The following BCL2L1 variants were observed in gnomAD, a reference collection of about 807,000 sequenced individuals.
BCL2L1 encodes bcl-2-like protein 1.
In BCL2L1, 1 loss-of-function variant was observed where a neutral mutation model predicts 18.7. The observed-to-expected ratio is 0.05, with a 90% CI of 0.02 to 0.25. BCL2L1 has a LOEUF of 0.25. Ranked by LOEUF, BCL2L1 falls within the 10% of genes least tolerant of loss-of-function variation. The pLI is 1.00. For synonymous variants in BCL2L1, 103 were observed against 122.7 expected (o/e 0.84, Z 1.06); for missense variants, 207 against 304.9 (o/e 0.68, Z 2.39).
intron 2 of BCL2L1, among the ~76,000 whole-genome samples, chr20:31,692,463 A>C (rs2061089907): frequency 6.6e-6 from 1 of 152,272 alleles, no homozygotes; most frequent in Non-Finnish European, 1.5e-5. Context: ...AACACAGCAT[A>C]ATACCTAAAT....
intron 2 of BCL2L1, among the ~76,000 whole-genome samples, chr20:31,695,897 A>G (rs1181352762): frequency 6.6e-6 from 1 of 151,824 alleles, no homozygotes; most frequent in Non-Finnish European, 1.5e-5. Flanking sequence ...CCCATCCCTA[A>G]TCCCTTTTCT....
intron 2 of BCL2L1, among the ~76,000 whole-genome samples, chr20:31,701,902 C>T (rs2061283464): frequency 1.3e-5 from 2 of 152,200 alleles, no homozygotes; most frequent in Non-Finnish European, 2.9e-5. Context: ...AGAACAGCTG[C>T]AGACACTGGA....
At chr20:31,699,509 A>G (rs986880741) in intron 2 of BCL2L1, among the ~76,000 whole-genome samples, 1 of 152,232 alleles carries the variant, frequency 6.6e-6, no homozygotes, top group Non-Finnish European at 1.5e-5. Context: ...AGATGAGGAG[A>G]AAGAGTCCTC....
upstream of BCL2L1, chr20:31,723,424 G>A (rs976932973): frequency 6.1e-6 from 6 of 985,390 alleles, no homozygotes; most frequent in African/African-American, 5.2e-5. Flanking sequence ...CAGGCCCAAA[G>A]TGGCTTTCTG....
At chr20:31,710,719 G>A (rs1283229824) in intron 2 of BCL2L1, among the ~76,000 whole-genome samples, 1 of 152,176 alleles carries the variant, frequency 6.6e-6, no homozygotes, top group Non-Finnish European at 1.5e-5. Context: ...TTCCACTTTT[G>A]GTGTTTACTC....
In BCL2L1 at chr20:31,706,799, T is replaced by G. The variant is rs1217444703; in HGVS notation, c.564+14856A>C. Among the ~76,000 whole-genome samples, 4 of 152,350 alleles carry G rather than the reference T, an allele frequency of 2.6e-5. No homozygotes were observed. In the South Asian group the frequency reaches 8.3e-4, roughly 32 times the overall value. The stretch of plus-strand genomic sequence containing the variant: ...AGCAACAAGACCAAATATTTATAGT[T>G]CTCAAAGTGCTTTTTCATCTATCAT... On this transcript the variant is annotated intron_variant, in intron 2 of 2. Transcript: ENST00000307677.
rs1555871509 is a variant in BCL2L1, at chr20:31,697,892, G to GTTTTTTTTTTGTTTGTTTGTTTGTT, written c.564+23762_564+23763insAACAAACAAACAAACAAAAAAAAAA. 1.4e-3 allele frequency among the ~76,000 whole-genome samples: 184 copies of GTTTTTTTTTTGTTTGTTTGTTTGTT among 129,640 alleles called. 2 individuals carry two copies. The highest frequency in any genetic ancestry group is 5.1e-3 in the African/African-American group (157 of 30,504). 85.0% of individuals were successfully genotyped at this position (129,640 alleles called of 152,430 possible). On this transcript the variant is annotated intron_variant, in intron 2 of 2. Coordinates refer to ENST00000307677, the MANE Select transcript of BCL2L1 (RefSeq NM_138578.3). The stretch of plus-strand genomic sequence containing the variant: ...AGAATCCTCAGCATGTGCTGTTGCT[G>GTTTTTTTTTTGTTTGTTTGTTTGTT]TTTTTTTTTTTTTGAGACGGAGTCT...
intron 2 of BCL2L1, among the ~76,000 whole-genome samples, chr20:31,708,353 G>A (rs1479488398): frequency 6.6e-6 from 1 of 152,228 alleles, no homozygotes; most frequent in Non-Finnish European, 1.5e-5. Flanking sequence ...GTGATACAGT[G>A]TATGTCATTC....
Position 31,721,806 on chromosome 20 carries a change from C to G in BCL2L1, c.413G>C (p.Gly138Ala), listed in dbSNP as rs780912099. The G allele has an allele frequency of 6.2e-7, 1 of 1,614,212 alleles. No homozygotes were observed. The highest frequency in any genetic ancestry group is 1.1e-5 in the South Asian group (1 of 91,084). ...GAAGGAGAAAAAGGCCACAATGCGA[C>G]CCCAGTTTACCCCATCCCGGAAGAG... is the stretch of plus-strand genomic sequence containing the variant. ...NELFRDGVNW[G>A]RIVAFFSFGG... The change falls in exon 2 of 3, where the codon GGT becomes GCT. Residue 138 changes from glycine to alanine, a missense_variant. Gly to Ala is a moderately conservative substitution (Grantham distance 60). Transcript: ENST00000307677.
chr20:31,716,472 T>C (rs564589464), intron 2 of BCL2L1: 1 of 121,346 alleles, frequency 8.2e-6, no homozygotes, highest in South Asian at 2.2e-4. Flanking sequence ...TTTACTGCCA[T>C]ACTCCCAGTA....
chr20:31,712,445 G>C (rs1405292605), intron 2 of BCL2L1, among the ~76,000 whole-genome samples: 1 of 152,192 alleles, frequency 6.6e-6, no homozygotes, highest in Non-Finnish European at 1.5e-5. Context: ...ACAATGGCTG[G>C]CATAGAGTAA....
At chr20:31,690,702 C>T (rs2061050045) in intron 2 of BCL2L1, among the ~76,000 whole-genome samples, 2 of 152,066 alleles carry the variant, frequency 1.3e-5, no homozygotes, top group Non-Finnish European at 2.9e-5. Context: ...TCCCAAGGAG[C>T]TGGGATTACA....
intron 2 of BCL2L1, among the ~76,000 whole-genome samples, chr20:31,687,337 T>C (rs1297310984): frequency 6.6e-6 from 1 of 151,670 alleles, no homozygotes; most frequent in East Asian, 1.9e-4. Context: ...AGGCTCTCTA[T>C]AGCAAGTGAA....
chr20:31,704,365 G>A (rs1196854714), intron 2 of BCL2L1, among the ~76,000 whole-genome samples: 2 of 152,142 alleles, frequency 1.3e-5, no homozygotes, highest in Non-Finnish European at 2.9e-5. Context: ...CTCCCAAAGT[G>A]CTGAGATTAC....
In BCL2L1 at chr20:31,684,595, T is replaced by A. The variant is rs902554606; in HGVS notation, c.565-18509A>T. On this transcript the variant is annotated intron_variant, in intron 2 of 2. Transcript: ENST00000307677. The stretch of plus-strand genomic sequence containing the variant: ...AGAAGCACCACCAATCCAGCTATAG[T>A]AACACCAGACATCAGACATTAAGGA... Among the ~76,000 whole-genome samples, 7 of 152,092 alleles carry A rather than the reference T, an allele frequency of 4.6e-5. No individual in the cohort carries two copies. In the East Asian group the frequency reaches 1.4e-3, roughly 29 times the overall value.
Position 31,664,750 on chromosome 20 carries a change from A to C in BCL2L1, c.*1199T>G, listed in dbSNP as rs1393578586. 2 of 220,350 alleles carry C rather than the reference A, an allele frequency of 9.1e-6. No homozygotes were observed. The highest frequency in any genetic ancestry group is 1.8e-5 in the Non-Finnish European group (2 of 109,434). The allele number at this position is 220,350 out of a possible 1,614,324, so 13.6% of individuals were successfully genotyped here. A position where few individuals can be genotyped will look rare whatever the true frequency, so the allele number is the denominator to read the frequency against. On this transcript the variant is annotated 3_prime_UTR_variant, in exon 3 of 3. Coordinates refer to ENST00000307677, the MANE Select transcript of BCL2L1 (RefSeq NM_138578.3). ...ATCATCTTCACAAGGAATAAAAACTAGTCTCAAATATGTACAGCAGAGAGC... is the reference window on the plus strand; with the variant it reads ...ATCATCTTCACAAGGAATAAAAACTCGTCTCAAATATGTACAGCAGAGAGC...
Position 31,684,000 on chromosome 20 carries a change from C to T in BCL2L1, c.565-17914G>A, listed in dbSNP as rs144372049. Among the ~76,000 whole-genome samples, 26 of 152,232 alleles carry T rather than the reference C, an allele frequency of 1.7e-4. No homozygotes were observed. In the Middle Eastern group the frequency reaches 0.014, roughly 80 times the overall value. On this transcript the variant is annotated intron_variant, in intron 2 of 2. Transcript: ENST00000307677. ...CACTGACTATTAAAACAGAAAATGT[C>T]CATCTGCATATCACCTCTAAGTTAC...
At chr20:31,707,243 G>A (rs1358494871) in intron 2 of BCL2L1, among the ~76,000 whole-genome samples, 1 of 152,124 alleles carries the variant, frequency 6.6e-6, no homozygotes, top group Admixed American at 6.5e-5. Context: ...CCAAGCTTCA[G>A]GTACCTTAAA....
At chr20:31,702,043 A>G (rs1441253632) in intron 2 of BCL2L1, among the ~76,000 whole-genome samples, 1 of 152,246 alleles carries the variant, frequency 6.6e-6, no homozygotes, top group African/African-American at 2.4e-5. Flanking sequence ...CAAAACTACA[A>G]GAAGACTGGA....
Sources: gnomAD v4.1 joint callset for allele counts (sites outside exome capture counted in the v4.1 genomes callset) on GRCh38, gnomAD v4.1.1 for gene constraint, MANE v1.5 for transcripts, NCBI Gene and HGNC (gene_info 2026-07-23, HGNC 2026-07-21) for gene names.